FBXO10: variants seen among roughly 807,000 people sequenced by gnomAD.
FBXO10 encodes the protein F-box protein 10, also known as F-box only protein 10.
FBXO10 carries 39 observed loss-of-function variants against 80.7 expected under a neutral mutation model. The observed-to-expected ratio is 0.48, with a 90% CI of 0.37 to 0.63. The LOEUF (loss-of-function observed/expected upper bound fraction) is 0.63, where lower values mean the gene tolerates loss of function less well. Among genes scored for constraint, FBXO10 ranks in the 30% least tolerant of loss-of-function variants. The pLI is 0.00. For synonymous variants in FBXO10, 449 were observed against 489.6 expected (o/e 0.92, Z 1.09); for missense variants, 1,025 against 1,269.0 (o/e 0.81, Z 2.92).
chr9:37,532,494 G>A (rs1821655883), intron 3 of FBXO10, among the ~76,000 whole-genome samples: 1 of 151,730 alleles, frequency 6.6e-6, no homozygotes. Context: ...GATGTGGGCT[G>A]GAGTAATTTT....
chr9:37,546,714 T>C (rs766519728), intron 1 of FBXO10, among the ~76,000 whole-genome samples: 32 of 139,686 alleles, frequency 2.3e-4, no homozygotes, highest in Non-Finnish European at 3.7e-4. Context: ...TAGAGATGTC[T>C]TTTTTTTTTT....
rs1379224563 is a variant in FBXO10 at position 37,529,180 on chromosome 9, G to T, written c.1650C>A (p.Ile550=). The change falls in exon 5 of 11, where the codon ATC becomes ATA. Residue 550 remains isoleucine (I), a synonymous_variant. Transcript: ENST00000432825. ...AAATGCCAGCCTCCTTATTGGAAAA[G>T]ATTTGATTGTTCCGGATGATGCCTT... is the stretch of plus-strand genomic sequence containing the variant. The part of the protein sequence containing the change: ...NGKGIIRNNQ[I]FSNKEAGIYI... The T allele has an allele frequency of 1.9e-6, 3 of 1,613,804 alleles. No individual in the cohort carries two copies.
chr9:37,560,481 G>A (rs1382564033), intron 1 of FBXO10, among the ~76,000 whole-genome samples: 2 of 152,104 alleles, frequency 1.3e-5, no homozygotes, highest in East Asian at 1.9e-4. Flanking sequence ...CCAGGGCTCT[G>A]TATCTAGAAT....
intron 4 of FBXO10, among the ~76,000 whole-genome samples, chr9:37,531,515 C>T (rs377437024): frequency 3.3e-5 from 5 of 152,204 alleles, no homozygotes; most frequent in African/African-American, 1.2e-4. Context: ...GAAATGTCCT[C>T]TTACACAAGT....
chr9:37,553,916 CAAAAAA>C (rs71494669), intron 1 of FBXO10, among the ~76,000 whole-genome samples: 55 of 64,332 alleles, frequency 8.5e-4, no homozygotes, highest in African/African-American at 3.3e-3. Flanking sequence ...AAGTCTGCCT[CAAAAAA>C]AAAAAAAAAA....
chr9:37,553,916 C>CAAAAAAAAAAAAAAAAAAA (rs71494669), intron 1 of FBXO10, among the ~76,000 whole-genome samples: 9 of 64,298 alleles, frequency 1.4e-4, no homozygotes, highest in Non-Finnish European at 2.2e-4. Context: ...AAGTCTGCCT[C>CAAAAAAAAAAAAAAAAAAA]AAAAAAAAAA....
chr9:37,566,457 CGG>C (rs748250740), intron 1 of FBXO10, among the ~76,000 whole-genome samples: 3 of 123,120 alleles, frequency 2.4e-5, no homozygotes, highest in African/African-American at 9.6e-5. Flanking sequence ...GACTCTGTCT[CGG>C]AAAAAAAAAA....
intron 1 of FBXO10, among the ~76,000 whole-genome samples, chr9:37,543,296 G>A (rs1821971977): frequency 6.6e-6 from 1 of 152,184 alleles, no homozygotes. Context: ...GTAGAACAAA[G>A]GATCCCCGAC....
At chr9:37,513,607 C>G (rs1055731650) in intron 10 of FBXO10, among the ~76,000 whole-genome samples, 1 of 150,960 alleles carries the variant, frequency 6.6e-6, no homozygotes, top group Non-Finnish European at 1.5e-5. Flanking sequence ...ATATTTTTTC[C>G]GAGACGGAGT....
intron 8 of FBXO10, among the ~76,000 whole-genome samples, chr9:37,519,908 C>G (rs978650087): frequency 6.6e-6 from 1 of 152,036 alleles, no homozygotes; most frequent in Non-Finnish European, 1.5e-5. Context: ...ACCTCGAACT[C>G]TGAGTCCTGA....
chr9:37,532,021 G>A lies in FBXO10; in HGVS notation c.1457C>T (p.Ala486Val), dbSNP rs578097840. ...MLRNDIYRCR[A>V]SGIFLRLEGG... The stretch of plus-strand genomic sequence containing the variant: ...CTCCAAGCGAAGAAAGATGCCTGAC[G>A]CTCGGCAGCGGTAAATGTCGTTCCT... The change falls in exon 4 of 11, where the codon GCG (alanine) becomes GTG (valine). Residue 486 changes from alanine to valine, a missense_variant. Around this residue, in one of 3 missense-constraint regions of FBXO10, gnomAD observed 478 missense variants for 667.8 expected, o/e 0.72. Transcript: ENST00000432825. 17 of 1,613,850 alleles carry A rather than the reference G, an allele frequency of 1.1e-5. No individual in the cohort carries two copies. Among genetic ancestry groups the A allele is most frequent in the Non-Finnish European group, 1.4e-5 (17 of 1,179,784 alleles).
In FBXO10 at chr9:37,518,163, C is replaced by T. The variant is rs1333967544; in HGVS notation, c.2476G>A (p.Gly826Ser). The change falls in exon 9 of 11, where the codon GGC becomes AGC. Residue 826 changes from glycine (G) to serine (S), a missense_variant. This residue lies in a region of FBXO10 where 478 missense variants were observed against 667.8 expected (regional missense o/e 0.72). Transcript: ENST00000432825. ...VIENDIIGNRGSGLQLLPRSD... is the reference protein window; with the variant it reads ...VIENDIIGNRSSGLQLLPRSD... ...CTGGGCAGCAGCTGCAGCCCGCTGC[C>T]CCGGTTGCCAATGATATCGTTTTCA... The T allele has an allele frequency of 6.2e-7, 1 of 1,614,008 alleles. No homozygotes were observed. The highest frequency in any genetic ancestry group is 8.5e-7 in the Non-Finnish European group (1 of 1,179,864).
chr9:37,524,969 G>T, intron 6 of FBXO10, 133 bp downstream of exon 6: 1 of 750,116 alleles, frequency 1.3e-6, no homozygotes, highest in Non-Finnish European at 2.1e-6. Context: ...GCGTCCCTGA[G>T]CTCCAGCCCA....
intron 1 of FBXO10, among the ~76,000 whole-genome samples, chr9:37,575,991 G>C (rs1415733965): frequency 6.6e-6 from 1 of 152,234 alleles, no homozygotes; most frequent in African/African-American, 2.4e-5. Context: ...CTCCGTCGGC[G>C]CGCCTGAGCC....
chr9:37,555,066 T>C (rs958567796), intron 1 of FBXO10, among the ~76,000 whole-genome samples: 1 of 141,842 alleles, frequency 7.1e-6, no homozygotes, highest in Non-Finnish European at 1.5e-5. Context: ...TTTTTGTTTG[T>C]TTTTTGCAGG....
At position 37,518,465 on chromosome 9, in the gene FBXO10, A is replaced by AG. The variant is rs956549460; in HGVS notation, c.2201-28dup. 3 of 1,542,160 alleles carry AG rather than the reference A, an allele frequency of 1.9e-6. No individual in the cohort carries two copies. The African/African-American group carries it at 4.1e-5, about 21-fold the overall frequency. On this transcript the variant is annotated intron_variant, in intron 8 of 10. Coordinates refer to ENST00000432825, the MANE Select transcript of FBXO10 (RefSeq NM_012166.3). ...TATGGGTGGAAGGGTTGGAAAGCACAGGGGGTCCCAGGGTCAGCCCTGACA... is the reference window on the plus strand; with the variant it reads ...TATGGGTGGAAGGGTTGGAAAGCACAGGGGGGTCCCAGGGTCAGCCCTGACA...
At chr9:37,553,677 G>A (rs1397488687) in intron 1 of FBXO10, among the ~76,000 whole-genome samples, 1 of 151,258 alleles carries the variant, frequency 6.6e-6, no homozygotes, top group African/African-American at 2.4e-5. Flanking sequence ...AGGCCGAGGC[G>A]GGCAGATCAC....
Position 37,541,547 on chromosome 9 carries a change from G to A in FBXO10, c.222C>T (p.Ala74=). 1.9e-6 allele frequency: 3 copies of A among 1,613,712 alleles called. No individual in the cohort carries two copies. The highest frequency in any genetic ancestry group is 1.7e-6 in the Non-Finnish European group (2 of 1,179,744). ...PDVEPESWRE[A]FKQHYLASKT... is the part of the protein sequence containing the mutation. ...TGGATGCAAGGTAATGCTGCTTGAA[G>A]GCTTCTCTCCAAGACTCAGGCTCCA... The change falls in exon 2 of 11, where the codon GCC becomes GCT. Residue 74 remains alanine (A), a synonymous_variant. Transcript: ENST00000432825.
rs534152662 is a variant in FBXO10, at chr9:37,563,465, C to T, written c.-7+12746G>A. ...AAAAATGTGGGAAAGTCTGGAACTT[C>T]CTAGAGACTTAGAGGGCTCAGAAGA... On this transcript the variant is annotated intron_variant, in intron 1 of 10. Transcript: ENST00000432825. Among the ~76,000 whole-genome samples the T allele has an allele frequency of 5.9e-5, 9 of 152,192 alleles. No individual in the cohort carries two copies. In the South Asian group the frequency reaches 1.9e-3, roughly 32 times the overall value.
Sources: gnomAD v4.1 joint callset for allele counts (sites outside exome capture counted in the v4.1 genomes callset) on GRCh38, gnomAD v4.1.1 for gene constraint, gnomAD v4.1.1 regional missense constraint, MANE v1.5 for transcripts, NCBI Gene and HGNC (gene_info 2026-07-23, HGNC 2026-07-21) for gene names.